The following PAPPA2 variants were observed in gnomAD, a reference collection of about 807,000 sequenced individuals.
PAPPA2 encodes the protein pappalysin 2, also known as pappalysin-2.
PAPPA2 carries 86 observed loss-of-function variants against 176.4 expected under a neutral mutation model. The observed-to-expected ratio is 0.49, with a 90% confidence interval of 0.41 to 0.58. The LOEUF is 0.58. Among genes scored for constraint, PAPPA2 ranks in the 20% least tolerant of loss-of-function variants. The pLI is 0.00. For synonymous variants in PAPPA2, 809 were observed against 852.2 expected, an observed-to-expected ratio of 0.95 and a Z score of 0.88; for missense variants, 2,073 against 2,256.9, an observed-to-expected ratio of 0.92 and a Z score of 1.65.
rs1225479635 is a variant in PAPPA2 at position 176,658,925 on chromosome 1, G to C, written c.1992-12045G>C. ...ATAGAACATCAGAAATAAAGAATCT[G>C]TTCCAGATAGTGGCAGTGGGACAGG... On this transcript the variant is annotated intron_variant, in intron 3 of 22. Transcript: ENST00000367662. Among the ~76,000 whole-genome samples, 3 of 152,010 alleles carry C rather than the reference G, an allele frequency of 2.0e-5. No homozygotes were observed. In the East Asian group the frequency reaches 5.8e-4, roughly 29 times the overall value.
chr1:176,761,800 G>A (rs1252588406), intron 14 of PAPPA2, among the ~76,000 whole-genome samples: 1 of 152,168 alleles, frequency 6.6e-6, no homozygotes, highest in Non-Finnish European at 1.5e-5. Context: ...TAGTTTTCTT[G>A]TATGTCAAAC....
chr1:176,656,386 C>T (rs978909429), intron 3 of PAPPA2, among the ~76,000 whole-genome samples: 6 of 151,772 alleles, frequency 4.0e-5, no homozygotes, highest in African/African-American at 1.5e-4. Context: ...AAAACTACAC[C>T]CAAAGCCCAA....
At chr1:176,678,629 TA>T (rs1473412852) in intron 4 of PAPPA2, among the ~76,000 whole-genome samples, 10 of 151,894 alleles carry the variant, frequency 6.6e-5, no homozygotes, top group African/African-American at 1.9e-4. Context: ...ACATTTCAAA[TA>T]TTTTTTTTTT....
chr1:176,631,475 A>C (rs1656334926), intron 3 of PAPPA2, among the ~76,000 whole-genome samples: 1 of 152,216 alleles, frequency 6.6e-6, no homozygotes, highest in Admixed American at 6.5e-5. Flanking sequence ...AGATGATTGC[A>C]CACATCTCTC....
At chr1:176,600,624 C>G (rs1033853408) in intron 3 of PAPPA2, among the ~76,000 whole-genome samples, 1 of 141,708 alleles carries the variant, frequency 7.1e-6, no homozygotes, top group African/African-American at 2.7e-5. Flanking sequence ...TGCAGTGAGC[C>G]GAGATCGCGC....
chr1:176,552,909 C>A (rs139221539), intron 1 of PAPPA2, among the ~76,000 whole-genome samples: 1 of 152,144 alleles, frequency 6.6e-6, no homozygotes, highest in East Asian at 1.9e-4. Flanking sequence ...TGTGCACTTG[C>A]GGAGTGGCAG....
chr1:176,599,321 T>G (rs1309929520), intron 3 of PAPPA2, among the ~76,000 whole-genome samples: 2 of 152,112 alleles, frequency 1.3e-5, no homozygotes, highest in Admixed American at 1.3e-4. Context: ...GTTCTTTTGT[T>G]GAACACTGTT....
chr1:176,729,250 G>A (rs1190149871), intron 12 of PAPPA2, among the ~76,000 whole-genome samples: 1 of 151,838 alleles, frequency 6.6e-6, no homozygotes, highest in African/African-American at 2.4e-5. Flanking sequence ...ATCCACCCTT[G>A]TCCTAATGAT....
chr1:176,612,466 C>T (rs531193951), intron 3 of PAPPA2, among the ~76,000 whole-genome samples: 1 of 152,076 alleles, frequency 6.6e-6, no homozygotes, highest in Non-Finnish European at 1.5e-5. Context: ...ATTCAGTATA[C>T]AAAGTGATTG....
chr1:176,599,242 T>C (rs1654164460), intron 3 of PAPPA2, among the ~76,000 whole-genome samples: 1 of 152,102 alleles, frequency 6.6e-6, no homozygotes, highest in Non-Finnish European at 1.5e-5. Flanking sequence ...CATATTCTTT[T>C]AGCATCTTAT....
chr1:176,522,101 C>G (rs1649244944), intron 1 of PAPPA2, among the ~76,000 whole-genome samples: 2 of 152,154 alleles, frequency 1.3e-5, no homozygotes, highest in African/African-American at 2.4e-5. Flanking sequence ...CTCACTGTTT[C>G]TTTTATGCTG....
intron 21 of PAPPA2, 60 bp from the exon 22 acceptor site, chr1:176,840,113 C>T (rs1667428694): frequency 1.5e-6 from 2 of 1,338,584 alleles, no homozygotes; most frequent in Non-Finnish European, 2.1e-6. Context: ...GGAGGAGTGG[C>T]AGAGTCAAAC....
intron 21 of PAPPA2, among the ~76,000 whole-genome samples, chr1:176,834,798 C>T (rs57765470): frequency 0.011 from 1,700 of 152,124 alleles, 29 homozygotes; most frequent in African/African-American, 0.039. Flanking sequence ...GGTGAAACCC[C>T]GTCTCTACTA....
chr1:176,546,905 G>C (rs2102574677), intron 1 of PAPPA2, among the ~76,000 whole-genome samples: 1 of 152,210 alleles, frequency 6.6e-6, no homozygotes. Flanking sequence ...TTTTTGTAAT[G>C]TGAGGTAAAA....
At chr1:176,483,742 T>A (rs1481824371) in intron 1 of PAPPA2, among the ~76,000 whole-genome samples, 21 of 152,072 alleles carry the variant, frequency 1.4e-4, no homozygotes, top group Non-Finnish European at 5.9e-5. Flanking sequence ...GTGCTGGGAT[T>A]ACAGGCATGA....
chr1:176,577,696 C>T (rs1558448596), intron 2 of PAPPA2, among the ~76,000 whole-genome samples: 1 of 151,904 alleles, frequency 6.6e-6, no homozygotes, highest in Non-Finnish European at 1.5e-5. Flanking sequence ...TTTTATTCCC[C>T]TCATGCTCTC....
intron 1 of PAPPA2, among the ~76,000 whole-genome samples, chr1:176,517,144 G>A (rs917046161): frequency 2.0e-5 from 3 of 152,074 alleles, no homozygotes; most frequent in African/African-American, 7.2e-5. Context: ...TTAGTAAAAT[G>A]AGCTTTTTCA....
intron 21 of PAPPA2, among the ~76,000 whole-genome samples, chr1:176,818,062 T>C (rs1027248347): frequency 6.6e-6 from 1 of 152,012 alleles, no homozygotes; most frequent in African/African-American, 2.4e-5. Context: ...GAAGGAGTGG[T>C]CTTAGGAAAC....
At chr1:176,618,606 T>A (rs1655411742) in intron 3 of PAPPA2, among the ~76,000 whole-genome samples, 1 of 152,204 alleles carries the variant, frequency 6.6e-6, no homozygotes, top group South Asian at 2.1e-4. Flanking sequence ...ATTCAAACAA[T>A]TTTGTAAACA....
Sources: gnomAD v4.1 joint callset for allele counts (sites outside exome capture counted in the v4.1 genomes callset) on GRCh38, gnomAD v4.1.1 for gene constraint, MANE v1.5 for transcripts, NCBI Gene and HGNC (gene_info 2026-07-23, HGNC 2026-07-21) for gene names.